SPIDR: variants seen among roughly 807,000 people sequenced by gnomAD.
SPIDR encodes scaffold protein involved in DNA repair.
Under a neutral mutation model 104.6 loss-of-function variants are expected in SPIDR, and 93 were observed. The observed-to-expected ratio is 0.89, with a 90% CI of 0.75 to 1.06. SPIDR has a LOEUF of 1.06. Among genes scored for constraint, SPIDR ranks in the 50% least tolerant of loss-of-function variants. The pLI, the probability that SPIDR is intolerant of heterozygous loss-of-function variation, is 0.00. For missense variants in SPIDR, 1,154 were observed against 1,111.2 expected (o/e 1.04, Z -0.55); for synonymous variants, 431 against 416.9 (o/e 1.03, Z -0.41).
rs181744278 is a variant in SPIDR, at chr8:47,611,912, C to T, written c.1544+12716C>T. 5.9e-5 allele frequency among the ~76,000 whole-genome samples: 9 copies of T among 152,198 alleles called. No individual in the cohort carries two copies. The East Asian group carries it at 1.7e-3, about 29-fold the overall frequency. ...AATTAAACAAAAAAGGAGAACTGAG[C>T]CGTCAAGAGGTAGCTTGTGGGGAGA... is the stretch of plus-strand genomic sequence containing the variant. On this transcript the variant is annotated intron_variant, in intron 10 of 19. Transcript: ENST00000297423.
intron 5 of SPIDR, among the ~76,000 whole-genome samples, chr8:47,371,608 G>A (rs1554638979): frequency 1.3e-5 from 2 of 152,024 alleles, no homozygotes; most frequent in Non-Finnish European, 2.9e-5. Flanking sequence ...CCTCCCAAAG[G>A]CCTCACCTCC....
intron 5 of SPIDR, among the ~76,000 whole-genome samples, chr8:47,334,969 A>G (rs1378579949): frequency 6.6e-6 from 1 of 152,184 alleles, no homozygotes; most frequent in African/African-American, 2.4e-5. Flanking sequence ...ATGCAAGCCA[A>G]CTTTCCAATA....
intron 8 of SPIDR, among the ~76,000 whole-genome samples, chr8:47,489,578 A>G (rs569196116): frequency 6.6e-6 from 1 of 152,384 alleles, no homozygotes; most frequent in South Asian, 2.1e-4. Context: ...AGCTGGAAGC[A>G]TCACACTATT....
chr8:47,588,676 A>G (rs574527605), intron 8 of SPIDR, among the ~76,000 whole-genome samples: 3 of 152,274 alleles, frequency 2.0e-5, no homozygotes, highest in East Asian at 1.9e-4. Flanking sequence ...CTACTCTTTC[A>G]TCATTAATTT....
At chr8:47,572,050 C>G (rs2058579321) in intron 8 of SPIDR, among the ~76,000 whole-genome samples, 1 of 152,042 alleles carries the variant, frequency 6.6e-6, no homozygotes, top group Non-Finnish European at 1.5e-5. Context: ...ACCAAGTAAT[C>G]TCTTGTATGT....
Position 47,541,960 on chromosome 8 carries a change from A to G in SPIDR, c.1098-53851A>G, listed in dbSNP as rs1248524387. ...AAATAAATATGTTTATACTATACTT[A>G]CCTAATCCACATGCATACACATACT... On this transcript the variant is annotated intron_variant, in intron 8 of 19. Coordinates refer to ENST00000297423, the MANE Select transcript of SPIDR (RefSeq NM_001080394.4). Among the ~76,000 whole-genome samples, 5 of 152,038 alleles carry G rather than the reference A, an allele frequency of 3.3e-5. No individual in the cohort carries two copies. The East Asian group carries it at 5.8e-4, about 18-fold the overall frequency.
intron 6 of SPIDR, among the ~76,000 whole-genome samples, chr8:47,403,320 C>T (rs2062188335): frequency 6.6e-6 from 1 of 152,214 alleles, no homozygotes; most frequent in East Asian, 1.9e-4. Flanking sequence ...TCTCTCACCA[C>T]TCCTATTCAA....
chr8:47,385,377 G>T (rs1404183746), intron 5 of SPIDR, among the ~76,000 whole-genome samples: 1 of 152,128 alleles, frequency 6.6e-6, no homozygotes, highest in Non-Finnish European at 1.5e-5. Flanking sequence ...ACCATAACCA[G>T]CACTTGATTA....
intron 19 of SPIDR, among the ~76,000 whole-genome samples, chr8:47,731,148 C>T (rs1242536863): frequency 1.3e-5 from 2 of 151,776 alleles, no homozygotes; most frequent in African/African-American, 4.8e-5. Flanking sequence ...CCCAGCTACT[C>T]GGGAGGCTGA....
chr8:47,345,948 C>A (rs144226925), intron 5 of SPIDR, among the ~76,000 whole-genome samples: 1 of 152,054 alleles, frequency 6.6e-6, no homozygotes, highest in Non-Finnish European at 1.5e-5. Context: ...AATTGAAAAC[C>A]CTTTATTTCT....
At chr8:47,297,813 T>G (rs1355488544) in intron 5 of SPIDR, among the ~76,000 whole-genome samples, 1 of 152,230 alleles carries the variant, frequency 6.6e-6, no homozygotes, top group African/African-American at 2.4e-5. Context: ...CTGCATAGTA[T>G]TCCATGGTGA....
chr8:47,728,695 C>T lies in SPIDR; in HGVS notation c.2436-238C>T, dbSNP rs2084704358. 1.3e-5 allele frequency: 5 copies of T among 398,998 alleles called. No individual in the cohort carries two copies. The Admixed American group carries it at 2.3e-4, about 18-fold the overall frequency. 24.7% of individuals were successfully genotyped at this position (398,998 alleles called of 1,614,324 possible). A position where few individuals can be genotyped will look rare whatever the true frequency, so the allele number is the denominator to read the frequency against. On this transcript the variant is annotated intron_variant, in intron 17 of 19. Coordinates refer to ENST00000297423, the MANE Select transcript of SPIDR (RefSeq NM_001080394.4). ...CTTCCTGGGAGGCTCAGCATCCCCT[C>T]CTCTGCTCCCCTCTTCGGCCTCCAG...
chr8:47,685,962 G>A (rs990113032), intron 11 of SPIDR, among the ~76,000 whole-genome samples: 1 of 152,118 alleles, frequency 6.6e-6, no homozygotes, highest in African/African-American at 2.4e-5. Context: ...TTCAAGACCA[G>A]CCTCGGCAAC....
intron 10 of SPIDR, among the ~76,000 whole-genome samples, chr8:47,607,025 C>A (rs1201861373): frequency 6.6e-6 from 1 of 152,224 alleles, no homozygotes; most frequent in African/African-American, 2.4e-5. Flanking sequence ...ACTGCCAGAG[C>A]TGGCAGAATG....
At chr8:47,378,287 A>T (rs963754984) in intron 5 of SPIDR, among the ~76,000 whole-genome samples, 12 of 152,286 alleles carry the variant, frequency 7.9e-5, no homozygotes, top group Admixed American at 2.6e-4. Context: ...TATATTAAAG[A>T]CTATCTTTTC....
intron 8 of SPIDR, among the ~76,000 whole-genome samples, chr8:47,538,605 C>G (rs983429478): frequency 6.6e-6 from 1 of 151,910 alleles, no homozygotes; most frequent in African/African-American, 2.4e-5. Context: ...TTTTCTTTCT[C>G]GGTTTTGAGC....
intron 8 of SPIDR, among the ~76,000 whole-genome samples, chr8:47,485,329 C>A (rs1026264514): frequency 6.6e-6 from 1 of 152,210 alleles, no homozygotes; most frequent in East Asian, 1.9e-4. Context: ...ATTGCTGAGG[C>A]TTGAGTAGGT....
At chr8:47,404,319 G>A (rs926899561) in intron 6 of SPIDR, among the ~76,000 whole-genome samples, 12 of 152,174 alleles carry the variant, frequency 7.9e-5, no homozygotes, top group Non-Finnish European at 1.6e-4. Flanking sequence ...AACACCAAAA[G>A]CAATGGCAAC....
chr8:47,718,156 G>C (rs1268874865), intron 16 of SPIDR, among the ~76,000 whole-genome samples: 1 of 152,218 alleles, frequency 6.6e-6, no homozygotes, highest in Non-Finnish European at 1.5e-5. Context: ...GGTTTGAATG[G>C]ACAGTAACAG....
Sources: allele counts gnomAD v4.1 joint callset (sites outside exome capture counted in the v4.1 genomes callset), GRCh38; gene constraint gnomAD v4.1.1; transcripts MANE v1.5; gene names NCBI Gene and HGNC (gene_info 2026-07-23, HGNC 2026-07-21).